The following NKAIN2 variants were observed in gnomAD, a reference collection of about 807,000 sequenced individuals.
The protein encoded by NKAIN2 is sodium/potassium transporting ATPase interacting 2, also known as sodium/potassium-transporting ATPase subunit beta-1-interacting protein 2.
NKAIN2 carries 14 observed loss-of-function variants against 32.6 expected under a neutral mutation model. The observed-to-expected ratio is 0.43, with a 90% CI of 0.28 to 0.67. NKAIN2 has a LOEUF of 0.67. Among genes scored for constraint, NKAIN2 ranks in the 30% least tolerant of loss-of-function variants. NKAIN2 has a pLI of 0.17. For missense variants in NKAIN2, 198 were observed against 258.3 expected (o/e 0.77, Z 1.60); for synonymous variants, 80 against 87.2 (o/e 0.92, Z 0.46).
At chr6:124,512,338 G>A (rs994403716) in intron 3 of NKAIN2, among the ~76,000 whole-genome samples, 2 of 151,948 alleles carry the variant, frequency 1.3e-5, no homozygotes, top group African/African-American at 4.8e-5. Flanking sequence ...GTCTCTTATT[G>A]GCAAATCTGA....
At chr6:124,160,486 T>C (rs372744568) in intron 1 of NKAIN2, among the ~76,000 whole-genome samples, 1 of 152,160 alleles carries the variant, frequency 6.6e-6, no homozygotes, top group Admixed American at 6.6e-5. Context: ...TATATATAGA[T>C]GTATATGAAA....
chr6:123,944,096 G>A (rs1213632074), intron 1 of NKAIN2, among the ~76,000 whole-genome samples: 2 of 151,866 alleles, frequency 1.3e-5, no homozygotes, highest in Admixed American at 1.3e-4. Flanking sequence ...GGACCTAAAG[G>A]AAGGAAAAAA....
At chr6:124,574,242 T>G (rs548885910) in intron 3 of NKAIN2, among the ~76,000 whole-genome samples, 42 of 152,232 alleles carry the variant, frequency 2.8e-4, no homozygotes, top group African/African-American at 9.6e-4. Context: ...TGAGAAAGCT[T>G]AACATTTTAG....
intron 2 of NKAIN2, among the ~76,000 whole-genome samples, chr6:124,347,454 C>T (rs1211413650): frequency 1.1e-4 from 17 of 152,206 alleles, no homozygotes; most frequent in African/African-American, 2.4e-4. Context: ...CCATTCTCCC[C>T]GTCAGTTTCA....
chr6:124,500,645 C>T (rs1778252249), intron 3 of NKAIN2, among the ~76,000 whole-genome samples: 1 of 151,696 alleles, frequency 6.6e-6, no homozygotes, highest in African/African-American at 2.4e-5. Flanking sequence ...CAGAGCAAGA[C>T]TCTGTCTCAA....
intron 3 of NKAIN2, among the ~76,000 whole-genome samples, chr6:124,495,238 C>T (rs1017457255): frequency 2.0e-5 from 3 of 152,052 alleles, no homozygotes; most frequent in African/African-American, 4.8e-5. Flanking sequence ...CTTAATTATG[C>T]AGCTTTGATT....
chr6:123,820,159 A>C (rs150743750), intron 1 of NKAIN2, among the ~76,000 whole-genome samples: 1 of 152,330 alleles, frequency 6.6e-6, no homozygotes, highest in Non-Finnish European at 1.5e-5. Context: ...AACATCTGCT[A>C]TGTGCCACCC....
intron 1 of NKAIN2, among the ~76,000 whole-genome samples, chr6:123,946,419 C>T (rs1777067180): frequency 6.6e-6 from 1 of 151,984 alleles, no homozygotes; most frequent in Non-Finnish European, 1.5e-5. Flanking sequence ...ATTTTTAAAT[C>T]TAATTTTACA....
intron 4 of NKAIN2, among the ~76,000 whole-genome samples, chr6:124,681,657 G>A (rs940564854): frequency 6.6e-6 from 1 of 152,012 alleles, no homozygotes; most frequent in African/African-American, 2.4e-5. Context: ...TATGCATAGT[G>A]TATGTGCTCT....
intron 3 of NKAIN2, among the ~76,000 whole-genome samples, chr6:124,445,494 CA>C (rs984982245): frequency 6.6e-6 from 1 of 151,466 alleles, no homozygotes; most frequent in African/African-American, 2.4e-5. Flanking sequence ...CTCTGGAAGA[CA>C]AAAAAAATTC....
At chr6:124,229,831 G>C (rs929436414) in intron 1 of NKAIN2, among the ~76,000 whole-genome samples, 3 of 152,118 alleles carry the variant, frequency 2.0e-5, no homozygotes, top group Non-Finnish European at 4.4e-5. Context: ...ACGTGGAACT[G>C]TTAAGTCTGT....
At chr6:123,976,266 T>TATATATA (rs1778571078) in intron 1 of NKAIN2, among the ~76,000 whole-genome samples, 1 of 95,290 alleles carries the variant, frequency 1.0e-5, no homozygotes, top group African/African-American at 3.6e-5. Flanking sequence ...TATATATATG[T>TATATATA]TTCCATATAT....
intron 1 of NKAIN2, among the ~76,000 whole-genome samples, chr6:124,244,784 A>G (rs902394905): frequency 6.6e-6 from 1 of 152,104 alleles, no homozygotes; most frequent in Non-Finnish European, 1.5e-5. Flanking sequence ...AAATAAATAA[A>G]TAAATAAATA....
At chr6:124,272,421 A>G (rs1794834856) in intron 1 of NKAIN2, among the ~76,000 whole-genome samples, 1 of 152,190 alleles carries the variant, frequency 6.6e-6, no homozygotes, top group East Asian at 1.9e-4. Context: ...GGTGGCTTCC[A>G]CATGGTGTTG....
At chr6:124,765,014 A>G (rs1778448038) in intron 4 of NKAIN2, among the ~76,000 whole-genome samples, 1 of 152,226 alleles carries the variant, frequency 6.6e-6, no homozygotes, top group South Asian at 2.1e-4. Context: ...AAATATAAAT[A>G]TATTGTTTCC....
chr6:124,485,691 A>G (rs777410932), intron 3 of NKAIN2, among the ~76,000 whole-genome samples: 12 of 152,028 alleles, frequency 7.9e-5, no homozygotes, highest in Non-Finnish European at 1.6e-4. Flanking sequence ...TATGATTTTT[A>G]TCTGTGTCTT....
intron 3 of NKAIN2, among the ~76,000 whole-genome samples, chr6:124,652,348 T>A (rs1254283614): frequency 1.3e-5 from 2 of 152,236 alleles, no homozygotes; most frequent in African/African-American, 4.8e-5. Flanking sequence ...TTTCAGACTT[T>A]CCCTGTAGCT....
chr6:124,110,095 A>G (rs1024406387), intron 1 of NKAIN2, among the ~76,000 whole-genome samples: 2 of 149,004 alleles, frequency 1.3e-5, no homozygotes, highest in Admixed American at 6.7e-5. Context: ...TATCAGGATA[A>G]TTACCAGCCT....
At chr6:124,768,937 T>C (rs529077118) in intron 4 of NKAIN2, among the ~76,000 whole-genome samples, 1 of 152,254 alleles carries the variant, frequency 6.6e-6, no homozygotes, top group Admixed American at 6.5e-5. Flanking sequence ...ACCACAATCA[T>C]TGGAATTCAT....
Sources: allele counts gnomAD v4.1 joint callset (sites outside exome capture counted in the v4.1 genomes callset), GRCh38; gene constraint gnomAD v4.1.1; transcripts MANE v1.5; gene names NCBI Gene and HGNC (gene_info 2026-07-23, HGNC 2026-07-21).